The following RIC8B variants were observed in gnomAD, a reference collection of about 807,000 sequenced individuals.
The protein encoded by RIC8B is RIC8 guanine nucleotide exchange factor B.
RIC8B carries 16 observed loss-of-function variants against 57.5 expected under a neutral mutation model. That is an observed-to-expected ratio of 0.28 (90% CI 0.19 to 0.42). RIC8B has a LOEUF of 0.42. RIC8B is among the 10% of genes least tolerant of loss of function. The pLI is 1.00. For synonymous variants in RIC8B, 216 were observed against 250.8 expected (o/e 0.86, Z 1.31); for missense variants, 481 against 677.0 (o/e 0.71, Z 3.21).
intron 2 of RIC8B, among the ~76,000 whole-genome samples, chr12:106,788,989 G>C (rs989428524): frequency 1.3e-5 from 2 of 152,278 alleles, no homozygotes; most frequent in Admixed American, 1.3e-4. Context: ...TTTATGCTGT[G>C]TTTCCCTTTT....
intron 3 of RIC8B, among the ~76,000 whole-genome samples, chr12:106,824,900 T>TC (rs912272580): frequency 1.5e-4 from 22 of 151,148 alleles, no homozygotes; most frequent in Non-Finnish European, 8.9e-5. Context: ...AGAGCAAAAC[T>TC]CCATCTCAAA....
At chr12:106,836,648 A>G (rs2046613622) in intron 4 of RIC8B, among the ~76,000 whole-genome samples, 1 of 152,176 alleles carries the variant, frequency 6.6e-6, no homozygotes, top group African/African-American at 2.4e-5. Flanking sequence ...CACTCACCTG[A>G]ATTATTGCAG....
chr12:106,815,252 C>G lies in RIC8B; in HGVS notation c.689C>G (p.Ala230Gly). The change falls in exon 3 of 10, where the codon GCC (alanine) becomes GGC (glycine). Residue 230 changes from alanine to glycine, a missense_variant. Ala to Gly is a moderately conservative substitution (Grantham distance 60). Around this residue, in one of 3 missense-constraint regions of RIC8B, gnomAD observed 421 missense variants for 560.9 expected, o/e 0.75. Transcript: ENST00000392837. Reference sequence around the variant, plus strand: ...CAGGAGACAGACTGTGCCATTGAGGCCCTCAAAGCTCTCTTCAATGTGACG... The same window carrying G: ...CAGGAGACAGACTGTGCCATTGAGGGCCTCAAAGCTCTCTTCAATGTGACG... ...SPQETDCAIE[A>G]LKALFNVTVD... The G allele has an allele frequency of 3.1e-6, 5 of 1,614,002 alleles. No individual in the cohort carries two copies. Among genetic ancestry groups the G allele is most frequent in the East Asian group, 2.2e-5 (1 of 44,874 alleles).
At chr12:106,833,862 C>A (rs1163043789) in intron 4 of RIC8B, among the ~76,000 whole-genome samples, 3 of 152,086 alleles carry the variant, frequency 2.0e-5, no homozygotes, top group Non-Finnish European at 4.4e-5. Context: ...GTGCTGTCCT[C>A]CCCATAACAA....
intron 7 of RIC8B, among the ~76,000 whole-genome samples, chr12:106,858,010 G>A (rs978653344): frequency 3.9e-5 from 6 of 152,208 alleles, no homozygotes; most frequent in African/African-American, 1.2e-4. Flanking sequence ...TTGTTCCAGT[G>A]AAAGAGGAGT....
In RIC8B at chr12:106,787,631, C is replaced by T. The variant is rs1422516314; in HGVS notation, c.132+3587C>T. On this transcript the variant is annotated intron_variant, in intron 2 of 9. Coordinates refer to ENST00000392837, the MANE Select transcript of RIC8B (RefSeq NM_001330145.2). Reference sequence around the variant, plus strand: ...GGTGGGAGGTGAAAGGCCCTGCTTGCATGGTGGTGGCAAGAGAGAAAAATG... The same window carrying T: ...GGTGGGAGGTGAAAGGCCCTGCTTGTATGGTGGTGGCAAGAGAGAAAAATG... Among the ~76,000 whole-genome samples, 3 of 152,046 alleles carry T rather than the reference C, an allele frequency of 2.0e-5. No homozygotes were observed. The East Asian group carries it at 5.8e-4, about 29-fold the overall frequency.
At chr12:106,878,631 A>G (rs1023293694) in intron 9 of RIC8B, among the ~76,000 whole-genome samples, 1 of 152,180 alleles carries the variant, frequency 6.6e-6, no homozygotes, top group African/African-American at 2.4e-5. Flanking sequence ...TCTTTTTTCC[A>G]AGTCAACCTT....
In RIC8B at chr12:106,774,823, C is replaced by T. The variant is rs767153944; in HGVS notation, c.78C>T (p.Ser26=). 2.6e-6 allele frequency: 4 copies of T among 1,552,954 alleles called. No individual in the cohort carries two copies. Among genetic ancestry groups the T allele is most frequent in the South Asian group, 2.4e-5 (2 of 84,154 alleles). ...GAIERVLRDY[S]DKHRATFKFE... ...TCGAGCGGGTCCTGAGGGATTACAGCGACAAGGTAAAGAGTCCTGGCCCCG... is the reference window on the plus strand; with the variant it reads ...TCGAGCGGGTCCTGAGGGATTACAGTGACAAGGTAAAGAGTCCTGGCCCCG... Residue 26 remains serine, a synonymous_variant, in exon 1 of 10, where the codon AGC becomes AGT. Coordinates refer to ENST00000392837, the MANE Select transcript of RIC8B (RefSeq NM_001330145.2).
At chr12:106,870,018 A>C (rs948951125) in intron 8 of RIC8B, among the ~76,000 whole-genome samples, 8 of 152,268 alleles carry the variant, frequency 5.3e-5, no homozygotes, top group South Asian at 4.1e-4. Context: ...TTCTCCAGAA[A>C]AATGTTTGTT....
intron 2 of RIC8B, among the ~76,000 whole-genome samples, chr12:106,812,712 A>C (rs1392441549): frequency 6.6e-6 from 1 of 152,148 alleles, no homozygotes. Flanking sequence ...TTGAATATGA[A>C]AGATCTAAAT....
chr12:106,887,657 G>T lies in RIC8B; in HGVS notation c.*1642G>T, dbSNP rs1192955181. On this transcript the variant is annotated 3_prime_UTR_variant, in exon 10 of 10. Transcript: ENST00000392837. ...AGCTCACAAAAGAATGGCAAAGAAAGAGGCTGCTAGATTGAAGGCAGGCAT... is the reference window on the plus strand; with the variant it reads ...AGCTCACAAAAGAATGGCAAAGAAATAGGCTGCTAGATTGAAGGCAGGCAT... The T allele has an allele frequency of 6.6e-6, 1 of 152,192 alleles. No homozygotes were observed. Among genetic ancestry groups the T allele is most frequent in the Non-Finnish European group, 1.5e-5 (1 of 68,032 alleles). The allele number at this position is 152,192 out of a possible 1,614,324, so 9.4% of individuals were successfully genotyped here. A position where few individuals can be genotyped will look rare whatever the true frequency, so the allele number is the denominator to read the frequency against.
intron 4 of RIC8B, among the ~76,000 whole-genome samples, chr12:106,838,891 T>C (rs1593266066): frequency 6.7e-6 from 1 of 150,060 alleles, no homozygotes. Flanking sequence ...AACGAAGACA[T>C]GCAAACAGAC....
intron 8 of RIC8B, among the ~76,000 whole-genome samples, chr12:106,866,110 AACTT>A (rs759648319): frequency 1.3e-5 from 2 of 152,308 alleles, no homozygotes; most frequent in South Asian, 2.1e-4. Context: ...CATTCCATAT[AACTT>A]ACTTATTAAG....
chr12:106,793,956 CAAAA>C (rs969410387), intron 2 of RIC8B, among the ~76,000 whole-genome samples: 31 of 151,892 alleles, frequency 2.0e-4, no homozygotes, highest in African/African-American at 7.5e-4. Flanking sequence ...AAGCAGGCAC[CAAAA>C]ACTGCCTGTA....
At position 106,879,902 on chromosome 12, in the gene RIC8B, C is replaced by T. The variant is rs1950843612; in HGVS notation, c.1572-6002C>T. 6.1e-6 allele frequency: 6 copies of T among 985,154 alleles called. No homozygotes were observed. In the African/African-American group the frequency reaches 8.7e-5, roughly 14 times the overall value. The allele number at this position is 985,154 out of a possible 1,614,324, so 61.0% of individuals were successfully genotyped here. On this transcript the variant is annotated intron_variant, in intron 9 of 9. Transcript: ENST00000392837. The surrounding 1 kb of genome is among the most constrained non-coding windows in gnomAD (Gnocchi z 4.9). ...GTAGACACCACTGTACTTTTTGATACGAGGGCAGTCTTAACTTGTGTTAAG... is the reference window on the plus strand; with the variant it reads ...GTAGACACCACTGTACTTTTTGATATGAGGGCAGTCTTAACTTGTGTTAAG...
intron 4 of RIC8B, among the ~76,000 whole-genome samples, chr12:106,832,136 T>A (rs545439187): frequency 1.3e-5 from 2 of 152,304 alleles, no homozygotes; most frequent in East Asian, 3.9e-4. Flanking sequence ...CTTCCCTGAC[T>A]GCCTAATTTA....
At chr12:106,797,527 T>C (rs111752956) in intron 2 of RIC8B, among the ~76,000 whole-genome samples, 2,121 of 152,294 alleles carry the variant, frequency 0.014, 56 homozygotes, top group African/African-American at 0.049. Flanking sequence ...CTAATAGATA[T>C]CTTGAGCTTC....
chr12:106,789,838 T>C (rs2044191284), intron 2 of RIC8B, among the ~76,000 whole-genome samples: 1 of 151,940 alleles, frequency 6.6e-6, no homozygotes, highest in Non-Finnish European at 1.5e-5. Flanking sequence ...TTTGGTAAAC[T>C]ACATTGCTAT....
intron 4 of RIC8B, among the ~76,000 whole-genome samples, chr12:106,834,485 C>T (rs564253174): frequency 6.6e-6 from 1 of 152,218 alleles, no homozygotes; most frequent in Non-Finnish European, 1.5e-5. Flanking sequence ...GGAAGGACAT[C>T]ACTGCTACCC....
Sources: gnomAD v4.1 joint callset for allele counts (sites outside exome capture counted in the v4.1 genomes callset) on GRCh38, gnomAD v4.1.1 for gene constraint, gnomAD v4.1.1 regional missense constraint, Gnocchi (gnomAD v3.1) non-coding constraint, MANE v1.5 for transcripts, NCBI Gene and HGNC (gene_info 2026-07-23, HGNC 2026-07-21) for gene names.